The following GRM8 variants were observed in gnomAD, a reference collection of about 807,000 sequenced individuals.
GRM8 encodes the protein metabotropic glutamate receptor 8.
GRM8 carries 47 observed loss-of-function variants against 87.2 expected under a neutral mutation model. The ratio of observed to expected loss-of-function variants is 0.54; its 90% confidence interval spans 0.43 to 0.69. The LOEUF (loss-of-function observed/expected upper bound fraction) is 0.69. GRM8 is among the 30% of genes least tolerant of loss of function. GRM8 has a pLI of 0.00. For synonymous variants in GRM8, 396 were observed against 404.5 expected, an observed-to-expected ratio of 0.98 and a Z score of 0.25; for missense variants, 1,019 against 1,139.2, an observed-to-expected ratio of 0.89 and a Z score of 1.52.
chr7:127,169,834 T>C (rs1032764153), intron 2 of GRM8, among the ~76,000 whole-genome samples: 3 of 152,220 alleles, frequency 2.0e-5, no homozygotes, highest in Non-Finnish European at 4.4e-5. Flanking sequence ...GTTTACAGCA[T>C]GATTTACTGA....
intron 2 of GRM8, among the ~76,000 whole-genome samples, chr7:127,217,610 G>C (rs1264643380): frequency 1.3e-5 from 2 of 152,060 alleles, no homozygotes; most frequent in Non-Finnish European, 2.9e-5. Context: ...TCTACCCCTG[G>C]GGGCCCCCAC....
chr7:126,652,921 T>A lies in GRM8; in HGVS notation c.1358-43423A>T, dbSNP rs1804077373. On this transcript the variant is annotated intron_variant, in intron 7 of 10. Transcript: ENST00000339582. ...TCCCAATGTCAGGAATCTCTGTAGC[T>A]TAGAGGAACAGTTTTCCTCAGTGAC... Among the ~76,000 whole-genome samples the A allele has an allele frequency of 2.0e-5, 3 of 152,062 alleles. No individual in the cohort carries two copies. In the South Asian group the frequency reaches 6.2e-4, roughly 32 times the overall value.
chr7:127,141,832 A>C (rs192589789), intron 2 of GRM8, among the ~76,000 whole-genome samples: 78 of 152,282 alleles, frequency 5.1e-4, no homozygotes, highest in Non-Finnish European at 7.3e-5. Context: ...CAGCTCAGGC[A>C]CAGACCAAGA....
At chr7:126,698,101 T>C (rs1809567512) in intron 7 of GRM8, among the ~76,000 whole-genome samples, 1 of 152,198 alleles carries the variant, frequency 6.6e-6, no homozygotes. Flanking sequence ...GAACTACCCC[T>C]GAGAACTACT....
chr7:126,646,839 C>G (rs1349131704), intron 7 of GRM8, among the ~76,000 whole-genome samples: 1 of 152,068 alleles, frequency 6.6e-6, no homozygotes, highest in Non-Finnish European at 1.5e-5. Context: ...TGGTAATACT[C>G]TTGGTGTTAT....
At chr7:126,841,396 A>T (rs1179529449) in intron 6 of GRM8, among the ~76,000 whole-genome samples, 1 of 152,122 alleles carries the variant, frequency 6.6e-6, no homozygotes, top group Non-Finnish European at 1.5e-5. Context: ...CATAGCACCT[A>T]TGCTAGCCCC....
intron 5 of GRM8, among the ~76,000 whole-genome samples, chr7:126,903,072 A>G (rs973859091): frequency 3.9e-5 from 6 of 152,198 alleles, no homozygotes; most frequent in Non-Finnish European, 8.8e-5. Context: ...GCATGGATCA[A>G]TGTTCCAGAC....
intron 3 of GRM8, among the ~76,000 whole-genome samples, chr7:127,063,229 G>T (rs1820791821): frequency 6.7e-6 from 1 of 150,108 alleles, no homozygotes; most frequent in Non-Finnish European, 1.5e-5. Flanking sequence ...CTCCAGCCCG[G>T]ATGACAGAGT....
At chr7:126,478,817 T>C (rs1237706673) in intron 9 of GRM8, among the ~76,000 whole-genome samples, 2 of 152,098 alleles carry the variant, frequency 1.3e-5, no homozygotes, top group East Asian at 3.9e-4. Flanking sequence ...CTCTCTACTA[T>C]TGGGGTTCCT....
intron 3 of GRM8, among the ~76,000 whole-genome samples, chr7:126,968,944 T>C (rs1810137848): frequency 6.6e-6 from 1 of 152,198 alleles, no homozygotes; most frequent in Admixed American, 6.5e-5. Context: ...ACCACTGCAA[T>C]TAAGTGAATA....
At chr7:126,816,321 G>A (rs1793783874) in intron 6 of GRM8, among the ~76,000 whole-genome samples, 1 of 152,040 alleles carries the variant, frequency 6.6e-6, no homozygotes, top group Non-Finnish European at 1.5e-5. Context: ...CTGAATCTCT[G>A]AAAAGTGCAA....
intron 3 of GRM8, among the ~76,000 whole-genome samples, chr7:127,088,926 G>A (rs1218137708): frequency 6.6e-6 from 1 of 152,222 alleles, no homozygotes; most frequent in Non-Finnish European, 1.5e-5. Flanking sequence ...TTCTTGTACA[G>A]TGGGGGCCAA....
chr7:126,595,165 T>C (rs1372000781), intron 8 of GRM8, among the ~76,000 whole-genome samples: 2 of 152,084 alleles, frequency 1.3e-5, no homozygotes, highest in Non-Finnish European at 2.9e-5. Context: ...TTATTTTTAC[T>C]TTTATTTTAG....
intron 6 of GRM8, among the ~76,000 whole-genome samples, chr7:126,901,216 C>T (rs1802042343): frequency 6.6e-6 from 1 of 152,126 alleles, no homozygotes; most frequent in African/African-American, 2.4e-5. Flanking sequence ...CCTGTCATAT[C>T]TTTACATGAC....
At chr7:126,958,716 G>A (rs998889195) in intron 3 of GRM8, among the ~76,000 whole-genome samples, 4 of 152,138 alleles carry the variant, frequency 2.6e-5, no homozygotes, top group Non-Finnish European at 5.9e-5. Flanking sequence ...ACCCACCACT[G>A]AGGCTTCCGG....
At chr7:126,834,737 G>T (rs1020723265) in intron 6 of GRM8, among the ~76,000 whole-genome samples, 3 of 152,066 alleles carry the variant, frequency 2.0e-5, no homozygotes, top group African/African-American at 7.2e-5. Context: ...AAAGTGTTTT[G>T]CAACAAACAT....
At chr7:126,488,634 A>G (rs1584791324) in intron 9 of GRM8, among the ~76,000 whole-genome samples, 2 of 152,108 alleles carry the variant, frequency 1.3e-5, no homozygotes, top group East Asian at 3.9e-4. Flanking sequence ...AGCCAGTCCA[A>G]TTCATCGCCA....
At chr7:126,739,820 G>T (rs774900311) in intron 7 of GRM8, among the ~76,000 whole-genome samples, 2 of 151,990 alleles carry the variant, frequency 1.3e-5, no homozygotes, top group African/African-American at 4.8e-5. Context: ...TGTTTAGATA[G>T]GTTTGGATAC....
chr7:126,680,414 G>T (rs1005251125), intron 7 of GRM8, among the ~76,000 whole-genome samples: 4 of 152,070 alleles, frequency 2.6e-5, no homozygotes, highest in African/African-American at 7.2e-5. Context: ...TTTTTAGTTA[G>T]GTATCTTTAA....
Sources: gnomAD v4.1 joint callset for allele counts (sites outside exome capture counted in the v4.1 genomes callset) on GRCh38, gnomAD v4.1.1 for gene constraint, MANE v1.5 for transcripts, NCBI Gene and HGNC (gene_info 2026-07-23, HGNC 2026-07-21) for gene names.